The following NAV3 variants were observed in gnomAD, a reference collection of about 807,000 sequenced individuals.
The protein encoded by NAV3 is pore membrane and/or filament interacting like protein 1.
In NAV3, 87 loss-of-function variants were observed where a neutral mutation model predicts 244.7. The ratio of observed to expected loss-of-function variants is 0.36; its 90% CI spans 0.30 to 0.42. The LOEUF (loss-of-function observed/expected upper bound fraction) is 0.42. Ranked by LOEUF, NAV3 falls within the 20% of genes least tolerant of loss-of-function variation. The probability of loss-of-function intolerance (pLI) is 1.00; values close to 1 mark genes in which losing one functional copy is unlikely to be tolerated. For synonymous variants in NAV3, 1,126 were observed against 1,042.2 expected (o/e 1.08, Z -1.55); for missense variants, 2,663 against 2,893.3 (o/e 0.92, Z 1.83).
At chr12:77,876,122 T>C (rs1255903538) in intron 1 of NAV3, among the ~76,000 whole-genome samples, 1 of 152,134 alleles carries the variant, frequency 6.6e-6, no homozygotes, top group Non-Finnish European at 1.5e-5. Context: ...ATTTTATGTA[T>C]TACATCATTA....
intron 3 of NAV3, among the ~76,000 whole-genome samples, chr12:77,942,120 C>T (rs1889925825): frequency 6.6e-6 from 1 of 152,190 alleles, no homozygotes; most frequent in African/African-American, 2.4e-5. Flanking sequence ...CACCTGTAAT[C>T]CCAGCACTTT....
At chr12:77,912,912 T>C (rs992330338) in intron 1 of NAV3, among the ~76,000 whole-genome samples, 1 of 152,130 alleles carries the variant, frequency 6.6e-6, no homozygotes, top group Non-Finnish European at 1.5e-5. Flanking sequence ...CCGTTTTACA[T>C]GCATTTTTCA....
chr12:77,952,100 C>G (rs1167543789), intron 3 of NAV3, among the ~76,000 whole-genome samples: 1 of 145,574 alleles, frequency 6.9e-6, no homozygotes, highest in Non-Finnish European at 1.5e-5. Context: ...TGTTTGTTTT[C>G]TTGTTGAGTT....
At chr12:78,019,693 G>A (rs759597157) in intron 8 of NAV3, among the ~76,000 whole-genome samples, 1 of 152,016 alleles carries the variant, frequency 6.6e-6, no homozygotes, top group Non-Finnish European at 1.5e-5. Flanking sequence ...GTGGAAAGTG[G>A]GTAGAAGACT....
intron 1 of NAV3, among the ~76,000 whole-genome samples, chr12:77,840,811 C>T (rs142908210): frequency 7.7e-4 from 117 of 152,272 alleles, no homozygotes; most frequent in Non-Finnish European, 1.4e-3. Flanking sequence ...ATTTGACTTC[C>T]CTGTCCTTAC....
chr12:77,806,833 T>C (rs796814401), intron 2 of NAV3, among the ~76,000 whole-genome samples: 15 of 152,364 alleles, frequency 9.8e-5, no homozygotes, highest in African/African-American at 3.6e-4. Flanking sequence ...GAACTTACTT[T>C]ATGAATCTGG....
intron 2 of NAV3, among the ~76,000 whole-genome samples, chr12:77,662,263 A>ATCTATCTG: frequency 6.6e-6 from 1 of 151,034 alleles, no homozygotes; most frequent in African/African-American, 2.4e-5. Flanking sequence ...CTATCTATCT[A>ATCTATCTG]TATCTCACCT....
chr12:78,154,285 AC>A (rs529731032), intron 22 of NAV3, among the ~76,000 whole-genome samples: 61 of 61,334 alleles, frequency 9.9e-4, no homozygotes, highest in South Asian at 1.8e-3. Context: ...TACTATATAT[AC>A]TACTATATAT....
chr12:77,578,287 C>T (rs139751538), intron 2 of NAV3, among the ~76,000 whole-genome samples: 11 of 152,098 alleles, frequency 7.2e-5, no homozygotes, highest in African/African-American at 2.4e-4. Flanking sequence ...TTTTAAGATC[C>T]CCCGGTGACT....
intron 1 of NAV3, among the ~76,000 whole-genome samples, chr12:77,872,742 G>A (rs573857389): frequency 1.3e-5 from 2 of 152,038 alleles, no homozygotes; most frequent in African/African-American, 2.4e-5. Context: ...TTTACATTTC[G>A]GAACTCTATA....
At chr12:77,598,141 C>A (rs1037431075) in intron 2 of NAV3, among the ~76,000 whole-genome samples, 21 of 151,980 alleles carry the variant, frequency 1.4e-4, no homozygotes, top group African/African-American at 5.1e-4. Context: ...AGAATGTTAT[C>A]TTTGAATAAA....
intron 2 of NAV3, among the ~76,000 whole-genome samples, chr12:77,638,970 C>T (rs1424122298): frequency 6.6e-6 from 1 of 152,122 alleles, no homozygotes; most frequent in Admixed American, 6.6e-5. Flanking sequence ...TTCCGCAGAG[C>T]ATGGTCAAGG....
At position 77,848,870 on chromosome 12, in the gene NAV3, G is replaced by A. The variant is rs140427854; in HGVS notation, c.243+17166G>A. On this transcript the variant is annotated intron_variant, in intron 1 of 39. Coordinates refer to ENST00000397909, the MANE Select transcript of NAV3 (RefSeq NM_001024383.2). ...GAAAGCAGAGAAATCTCCTAATGAGGATTAAAAAAAATCAATATTTTCAAT... is the reference window on the plus strand; with the variant it reads ...GAAAGCAGAGAAATCTCCTAATGAGAATTAAAAAAAATCAATATTTTCAAT... Among the ~76,000 whole-genome samples the A allele has an allele frequency of 4.2e-3, 634 of 152,072 alleles. 5 individuals carry two copies. Among genetic ancestry groups the A allele is most frequent in the South Asian group, 0.012 (58 of 4,812 alleles).
chr12:77,719,009 C>T (rs559038180), intron 2 of NAV3, among the ~76,000 whole-genome samples: 1 of 152,208 alleles, frequency 6.6e-6, no homozygotes, highest in Admixed American at 6.5e-5. Context: ...CAATGTTTTG[C>T]AGTTTTCATG....
chr12:77,634,059 C>T (rs930894679), intron 2 of NAV3, among the ~76,000 whole-genome samples: 5 of 151,724 alleles, frequency 3.3e-5, no homozygotes, highest in Non-Finnish European at 7.4e-5. Context: ...TGGAATATTT[C>T]TATTTCCATT....
chr12:77,938,931 C>CGTGTGTGTGTGTGTGT (rs35392593), intron 1 of NAV3, among the ~76,000 whole-genome samples: 62 of 142,590 alleles, frequency 4.3e-4, no homozygotes, highest in Middle Eastern at 3.6e-3. Flanking sequence ...AATGTGATCT[C>CGTGTGTGTGTGTGTGT]GTGTGTGTGT....
intron 2 of NAV3, among the ~76,000 whole-genome samples, chr12:77,697,039 G>A (rs933765566): frequency 1.3e-5 from 2 of 152,106 alleles, no homozygotes; most frequent in Non-Finnish European, 2.9e-5. Context: ...TTATAGAGCT[G>A]TGTTTCTCTG....
intron 5 of NAV3, among the ~76,000 whole-genome samples, chr12:77,984,150 A>G (rs1248561886): frequency 5.9e-5 from 9 of 152,144 alleles, no homozygotes; most frequent in African/African-American, 2.2e-4. Flanking sequence ...TATGTTGTTG[A>G]CTTTGGGAAA....
intron 2 of NAV3, among the ~76,000 whole-genome samples, chr12:77,782,428 C>A (rs915448687): frequency 4.6e-5 from 7 of 151,896 alleles, no homozygotes; most frequent in Non-Finnish European, 8.8e-5. Flanking sequence ...CACATAATAA[C>A]CATGATCACA....
Sources: gnomAD v4.1 joint callset for allele counts (sites outside exome capture counted in the v4.1 genomes callset) on GRCh38, gnomAD v4.1.1 for gene constraint, MANE v1.5 for transcripts, NCBI Gene and HGNC (gene_info 2026-07-23, HGNC 2026-07-21) for gene names.